The following CACNA1E variants were observed in gnomAD, a reference collection of about 807,000 sequenced individuals.
The protein encoded by CACNA1E is voltage-dependent R-type calcium channel subunit alpha-1E.
In CACNA1E, 40 loss-of-function variants were observed where a neutral mutation model predicts 259.2. The observed-to-expected ratio is 0.15, with a 90% CI of 0.12 to 0.20. The LOEUF (loss-of-function observed/expected upper bound fraction) is 0.20, where lower values mean the gene tolerates loss of function less well. Ranked by LOEUF, CACNA1E falls within the 10% of genes least tolerant of loss-of-function variation. CACNA1E has a pLI of 1.00. For synonymous variants in CACNA1E, 1,104 were observed against 1,138.5 expected (o/e 0.97, Z 0.61); for missense variants, 1,874 against 3,040.1 (o/e 0.62, Z 9.02).
intron 32 of CACNA1E, among the ~76,000 whole-genome samples, chr1:181,759,292 A>G (rs555971268): frequency 1.4e-4 from 21 of 152,328 alleles, no homozygotes; most frequent in Admixed American, 1.0e-3. Flanking sequence ...ATTTTTACCT[A>G]TTAGTCCTTC....
At chr1:181,380,744 A>G (rs574780503) in intron 1 of CACNA1E, among the ~76,000 whole-genome samples, 3 of 152,382 alleles carry the variant, frequency 2.0e-5, no homozygotes, top group East Asian at 1.9e-4. Flanking sequence ...TGAAACACTA[A>G]TAATGGGAAT....
intron 2 of CACNA1E, among the ~76,000 whole-genome samples, chr1:181,435,496 T>C (rs191542767): frequency 1.1e-3 from 161 of 152,348 alleles, no homozygotes; most frequent in Non-Finnish European, 1.8e-3. Context: ...CTTTGCATTC[T>C]GTTCTCTATG....
At chr1:181,659,499 C>T (rs958894160) in intron 7 of CACNA1E, among the ~76,000 whole-genome samples, 3 of 152,210 alleles carry the variant, frequency 2.0e-5, no homozygotes, top group Admixed American at 2.0e-4. Flanking sequence ...TCAGGGGCTA[C>T]AGGGCAGCGG....
intron 7 of CACNA1E, among the ~76,000 whole-genome samples, chr1:181,659,108 C>T (rs1357919784): frequency 1.3e-5 from 2 of 152,030 alleles, no homozygotes; most frequent in African/African-American, 2.4e-5. Context: ...ATGTTATGTA[C>T]CAAGGCTGTT....
intron 2 of CACNA1E, among the ~76,000 whole-genome samples, chr1:181,415,802 C>T (rs910093658): frequency 6.6e-6 from 1 of 152,160 alleles, no homozygotes; most frequent in Non-Finnish European, 1.5e-5. Flanking sequence ...GGCTTTTCCC[C>T]TCACCACCCA....
chr1:181,572,931 G>A (rs559776558), intron 3 of CACNA1E, among the ~76,000 whole-genome samples: 4 of 152,222 alleles, frequency 2.6e-5, no homozygotes, highest in African/African-American at 9.6e-5. Context: ...TTGCCTGTTT[G>A]GGGATGAAAA....
At chr1:181,448,736 A>C (rs371654554) in intron 2 of CACNA1E, among the ~76,000 whole-genome samples, 1 of 152,208 alleles carries the variant, frequency 6.6e-6, no homozygotes, top group Non-Finnish European at 1.5e-5. Context: ...CTCTAAGTCA[A>C]CTAAGTGGCT....
chr1:181,649,793 G>A (rs1204921261), intron 6 of CACNA1E, among the ~76,000 whole-genome samples: 1 of 152,132 alleles, frequency 6.6e-6, no homozygotes, highest in Non-Finnish European at 1.5e-5. Context: ...ATAGGTGGGG[G>A]ATAAATGATG....
chr1:181,430,419 C>G (rs1457141487), intron 2 of CACNA1E, among the ~76,000 whole-genome samples: 1 of 152,152 alleles, frequency 6.6e-6, no homozygotes, highest in African/African-American at 2.4e-5. Flanking sequence ...TGTGTAATTC[C>G]CCTTATCTGT....
intron 6 of CACNA1E, among the ~76,000 whole-genome samples, chr1:181,611,289 G>A (rs980989174): frequency 3.3e-5 from 5 of 151,910 alleles, no homozygotes; most frequent in East Asian, 1.9e-4. Context: ...CATTCATTTC[G>A]TCAACTGATC....
chr1:181,446,596 C>A (rs775380753), intron 2 of CACNA1E, among the ~76,000 whole-genome samples: 4 of 152,158 alleles, frequency 2.6e-5, no homozygotes, highest in Non-Finnish European at 5.9e-5. Flanking sequence ...AGCTTCTTGG[C>A]TTGGGCTCTT....
intron 3 of CACNA1E, among the ~76,000 whole-genome samples, chr1:181,566,503 C>T (rs986407473): frequency 6.6e-6 from 1 of 152,172 alleles, no homozygotes; most frequent in Admixed American, 6.5e-5. Flanking sequence ...GAAGGAAATG[C>T]AGGACCATTG....
chr1:181,561,967 T>C (rs1649372824), intron 3 of CACNA1E, among the ~76,000 whole-genome samples: 1 of 152,178 alleles, frequency 6.6e-6, no homozygotes, highest in Non-Finnish European at 1.5e-5. Context: ...ACTATTGTGG[T>C]TTTAATTTGC....
chr1:181,609,298 A>G (rs984899982), intron 6 of CACNA1E, among the ~76,000 whole-genome samples: 1 of 152,212 alleles, frequency 6.6e-6, no homozygotes, highest in East Asian at 1.9e-4. Context: ...GGCGGGCCCT[A>G]GACAAAGAAT....
chr1:181,454,487 G>T (rs1016631206), intron 2 of CACNA1E, among the ~76,000 whole-genome samples: 2 of 152,288 alleles, frequency 1.3e-5, no homozygotes, highest in African/African-American at 2.4e-5. Flanking sequence ...CAAATCAGGG[G>T]GTGGCCCTGT....
intron 2 of CACNA1E, among the ~76,000 whole-genome samples, chr1:181,471,487 C>G (rs1662503165): frequency 6.6e-6 from 1 of 152,118 alleles, no homozygotes. Context: ...AGTGCTTCAG[C>G]CTTCCACAGA....
At chr1:181,537,095 C>CTTTTT (rs201514362) in intron 3 of CACNA1E, among the ~76,000 whole-genome samples, 6 of 112,642 alleles carry the variant, frequency 5.3e-5, no homozygotes, top group Admixed American at 1.9e-4. Context: ...TTTTTCTTTT[C>CTTTTT]TTTTTTTTTT....
In CACNA1E at chr1:181,631,989, G is replaced by A. The variant is rs77194715; in HGVS notation, c.952-19349G>A. Among the ~76,000 whole-genome samples the A allele has an allele frequency of 3.9e-3, 596 of 152,326 alleles. 13 individuals carry two copies. In the East Asian group the frequency reaches 0.059, roughly 15 times the overall value. The stretch of plus-strand genomic sequence containing the variant: ...TCAGGGGAGTTCAGAATTAGGGCAC[G>A]AAGTGCAGGAGATGGTATCAACAGC... On this transcript the variant is annotated intron_variant, in intron 6 of 47. Coordinates refer to ENST00000367573, the MANE Select transcript of CACNA1E (RefSeq NM_001205293.3).
chr1:181,442,394 G>A (rs1462748696), intron 2 of CACNA1E, among the ~76,000 whole-genome samples: 1 of 150,058 alleles, frequency 6.7e-6, no homozygotes, highest in African/African-American at 2.5e-5. Flanking sequence ...GGGCACAGGT[G>A]TGGGGGAACA....
Sources: gnomAD v4.1 joint callset for allele counts (sites outside exome capture counted in the v4.1 genomes callset) on GRCh38, gnomAD v4.1.1 for gene constraint, MANE v1.5 for transcripts, NCBI Gene and HGNC (gene_info 2026-07-23, HGNC 2026-07-21) for gene names.